The following SSBP3 variants were observed in gnomAD, a reference collection of about 807,000 sequenced individuals.
SSBP3 encodes single-stranded DNA-binding protein 3.
In SSBP3, 5 loss-of-function variants were observed where a neutral mutation model predicts 69.6. The ratio of observed to expected loss-of-function variants is 0.07; its 90% CI spans 0.04 to 0.15. The LOEUF (loss-of-function observed/expected upper bound fraction) is 0.15. Among genes scored for constraint, SSBP3 ranks in the 10% least tolerant of loss-of-function variants. SSBP3 has a pLI of 1.00. For missense variants in SSBP3, 312 were observed against 534.0 expected, an observed-to-expected ratio of 0.58 and a Z score of 4.10; for synonymous variants, 196 against 193.4, an observed-to-expected ratio of 1.01 and a Z score of -0.11.
intron 4 of SSBP3, among the ~76,000 whole-genome samples, chr1:54,381,865 C>A (rs944117587): frequency 1.3e-5 from 2 of 152,246 alleles, no homozygotes; most frequent in Non-Finnish European, 2.9e-5. Flanking sequence ...GGGGACAAGT[C>A]AGCTGGAACC....
At chr1:54,355,381 A>C (rs1330643750) in intron 4 of SSBP3, among the ~76,000 whole-genome samples, 1 of 151,994 alleles carries the variant, frequency 6.6e-6, no homozygotes, top group African/African-American at 2.4e-5. Flanking sequence ...ACAGGGTCTC[A>C]CTCTGTCGCC....
At chr1:54,351,746 G>A (rs1437182346) in intron 4 of SSBP3, among the ~76,000 whole-genome samples, 1 of 152,168 alleles carries the variant, frequency 6.6e-6, no homozygotes, top group African/African-American at 2.4e-5. Context: ...TGACCTCGCT[G>A]GGCCTTTATG....
At chr1:54,282,632 A>C (rs1471788368) in intron 4 of SSBP3, among the ~76,000 whole-genome samples, 1 of 152,176 alleles carries the variant, frequency 6.6e-6, no homozygotes, top group Non-Finnish European at 1.5e-5. Flanking sequence ...CCGTGCTCAC[A>C]CAGGCGGGGC....
intron 7 of SSBP3, among the ~76,000 whole-genome samples, chr1:54,252,779 T>A (rs965949420): frequency 6.6e-6 from 1 of 152,262 alleles, no homozygotes; most frequent in Non-Finnish European, 1.5e-5. Flanking sequence ...GGGGGAAGTT[T>A]GCTTCTAGGA....
At chr1:54,255,000 T>A (rs969727068) in intron 7 of SSBP3, among the ~76,000 whole-genome samples, 1 of 151,998 alleles carries the variant, frequency 6.6e-6, no homozygotes, top group Non-Finnish European at 1.5e-5. Flanking sequence ...GCCTGGCTAA[T>A]TTTTGGATTT....
At chr1:54,348,324 C>G (rs1646725471) in intron 4 of SSBP3, among the ~76,000 whole-genome samples, 1 of 144,962 alleles carries the variant, frequency 6.9e-6, no homozygotes, top group Admixed American at 7.1e-5. Flanking sequence ...GGAAAAGGTT[C>G]AAAAAGGAGC....
intron 4 of SSBP3, among the ~76,000 whole-genome samples, chr1:54,393,462 A>G (rs1648641185): frequency 6.6e-6 from 1 of 152,174 alleles, no homozygotes; most frequent in African/African-American, 2.4e-5. Context: ...TCAGGAAGCC[A>G]GAACTCAGAC....
rs115935697 is a variant in SSBP3 at position 54,275,331 on chromosome 1, G to A, written c.366+6107C>T. On this transcript the variant is annotated intron_variant, in intron 5 of 17. Transcript: ENST00000610401. ...CAAGCTTCCACTAGTAACAGGCTTC[G>A]GAAACCAAAAGCAAACAAGGTGGTT... Among the ~76,000 whole-genome samples the A allele has an allele frequency of 4.7e-3, 710 of 152,320 alleles. 5 individuals carry two copies. The highest frequency in any genetic ancestry group is 0.016 in the African/African-American group (674 of 41,578).
intron 14 of SSBP3, 121 bp downstream of exon 14, chr1:54,239,003 GTTTAT>G: frequency 6.9e-6 from 6 of 872,160 alleles, no homozygotes; most frequent in South Asian, 1.6e-5. Context: ...TTTTCTGACG[GTTTAT>G]TTTATTCATC....
At position 54,353,026 on chromosome 1, in the gene SSBP3, G is replaced by A. The variant is rs369677912; in HGVS notation, c.276+48835C>T. ...GAGGCAGTAGGTGACGCGGGGAGGC[G>A]GCCCGACCGGACAGCGCCGTGTCCT... On this transcript the variant is annotated intron_variant, in intron 4 of 17. Transcript: ENST00000610401. Among the ~76,000 whole-genome samples the A allele has an allele frequency of 1.3e-3, 199 of 152,208 alleles. 8 individuals carry two copies. In the South Asian group the frequency reaches 0.028, roughly 22 times the overall value.
In SSBP3 at chr1:54,312,196, G is replaced by A. The variant is rs115220275; in HGVS notation, c.277-30669C>T. ...TGTAATCCCAGTGCTTTGGGAGGCG[G>A]GGGATCAGTGGAGGTCAGGAGTTTG... On this transcript the variant is annotated intron_variant, in intron 4 of 17. Coordinates refer to ENST00000610401, the Ensembl canonical transcript of SSBP3. Among the ~76,000 whole-genome samples the A allele has an allele frequency of 5.0e-3, 758 of 152,178 alleles. 3 individuals are homozygous for A. The highest frequency in any genetic ancestry group is 8.2e-3 in the Non-Finnish European group (557 of 68,012).
At chr1:54,390,741 G>A (rs1570030221) in intron 4 of SSBP3, among the ~76,000 whole-genome samples, 3 of 152,218 alleles carry the variant, frequency 2.0e-5, no homozygotes, top group Non-Finnish European at 2.9e-5. Flanking sequence ...GCTCACCAGC[G>A]CGGAGATCGT....
chr1:54,408,230 C>G (rs1413409096), upstream of SSBP3, among the ~76,000 whole-genome samples: 1 of 152,050 alleles, frequency 6.6e-6, no homozygotes, highest in Non-Finnish European at 1.5e-5. Flanking sequence ...AAGGTTGTTT[C>G]GTGAATGAGG....
chr1:54,294,611 G>T (rs1458223410), intron 4 of SSBP3, among the ~76,000 whole-genome samples: 3 of 152,210 alleles, frequency 2.0e-5, no homozygotes, highest in Non-Finnish European at 4.4e-5. Flanking sequence ...GACAAGACCA[G>T]CCCAGTGAGC....
At chr1:54,290,257 G>A (rs926855624) in intron 4 of SSBP3, among the ~76,000 whole-genome samples, 1 of 152,170 alleles carries the variant, frequency 6.6e-6, no homozygotes, top group African/African-American at 2.4e-5. Flanking sequence ...CTCATCATTT[G>A]CTAAGGAAGG....
intron 4 of SSBP3, among the ~76,000 whole-genome samples, chr1:54,306,462 G>T (rs1569727470): frequency 6.6e-6 from 1 of 152,270 alleles, no homozygotes; most frequent in Non-Finnish European, 1.5e-5. Flanking sequence ...AAAAAGCCCG[G>T]CCACACTGCA....
At chr1:54,286,471 T>G (rs1645492212) in intron 4 of SSBP3, 1 of 152,184 alleles carries the variant, frequency 6.6e-6, no homozygotes, top group Admixed American at 6.5e-5. Context: ...CCAGGGAGAC[T>G]TGTGAAGAGG....
At chr1:54,269,818 C>T (rs926659470) in intron 5 of SSBP3, among the ~76,000 whole-genome samples, 1 of 152,174 alleles carries the variant, frequency 6.6e-6, no homozygotes, top group Non-Finnish European at 1.5e-5. Context: ...CAGGGCTAGA[C>T]CACAAAGAGC....
At chr1:54,351,797 G>A (rs566737011) in intron 4 of SSBP3, among the ~76,000 whole-genome samples, 6 of 152,264 alleles carry the variant, frequency 3.9e-5, no homozygotes, top group Admixed American at 1.3e-4. Flanking sequence ...CTGTACACCA[G>A]CTGTAGAAAC....
Sources: allele counts gnomAD v4.1 joint callset (sites outside exome capture counted in the v4.1 genomes callset), GRCh38; gene constraint gnomAD v4.1.1; transcripts MANE v1.5; gene names NCBI Gene and HGNC (gene_info 2026-07-23, HGNC 2026-07-21).